The following CHRM3 variants were observed in gnomAD, a reference collection of about 807,000 sequenced individuals.
The protein encoded by CHRM3 is cholinergic receptor muscarinic 3.
Under a neutral mutation model 41.8 loss-of-function variants are expected in CHRM3, and 11 were observed. The ratio of observed to expected loss-of-function variants is 0.26; its 90% CI spans 0.17 to 0.44. The LOEUF is 0.44. Among genes scored for constraint, CHRM3 ranks in the 20% least tolerant of loss-of-function variants. The probability of loss-of-function intolerance (pLI) is 1.00; values close to 1 mark genes in which losing one functional copy is unlikely to be tolerated. For missense variants in CHRM3, 571 were observed against 745.4 expected (o/e 0.77, Z 2.72); for synonymous variants, 297 against 301.4 (o/e 0.99, Z 0.15).
At chr1:239,449,027 A>G (rs568294997) in intron 1 of CHRM3, among the ~76,000 whole-genome samples, 1 of 152,300 alleles carries the variant, frequency 6.6e-6, no homozygotes, top group East Asian at 1.9e-4. Context: ...TTTGATTTTA[A>G]CACAACGTCT....
rs1171105562 is a variant in CHRM3 at position 239,841,714 on chromosome 1, T to C, written c.-20+14336T>C. Among the ~76,000 whole-genome samples the C allele has an allele frequency of 3.3e-5, 5 of 152,222 alleles. No homozygotes were observed. In the East Asian group the frequency reaches 9.6e-4, roughly 29 times the overall value. ...TGGGGTCAGGAGTAATATGTGACTC[T>C]TGAAGAGCAGCTTTCAAGGCATTAG... On this transcript the variant is annotated intron_variant, in intron 6 of 6. Coordinates refer to ENST00000676153, the MANE Select transcript of CHRM3 (RefSeq NM_001375978.1).
At chr1:239,517,009 C>A (rs1669317396) in intron 2 of CHRM3, among the ~76,000 whole-genome samples, 1 of 152,104 alleles carries the variant, frequency 6.6e-6, no homozygotes, top group Non-Finnish European at 1.5e-5. Context: ...CCCACTGATT[C>A]TACACCATGA....
intron 6 of CHRM3, among the ~76,000 whole-genome samples, chr1:239,899,496 G>GTA (rs772242915): frequency 7.0e-5 from 4 of 57,474 alleles, no homozygotes; most frequent in Non-Finnish European, 1.4e-4. Context: ...TCACACACAT[G>GTA]TATATATACA....
At chr1:239,694,518 A>G (rs150825772) in intron 5 of CHRM3, among the ~76,000 whole-genome samples, 85 of 152,350 alleles carry the variant, frequency 5.6e-4, no homozygotes, top group African/African-American at 1.9e-3. Flanking sequence ...TGCTTATGAA[A>G]TGTGAATTCA....
chr1:239,617,493 G>T (rs982252327), intron 3 of CHRM3, among the ~76,000 whole-genome samples: 7 of 152,178 alleles, frequency 4.6e-5, no homozygotes, highest in African/African-American at 1.7e-4. Flanking sequence ...GAGAGGCAGA[G>T]GGAGGAGAAT....
At chr1:239,782,985 G>GC (rs1668615892) in intron 5 of CHRM3, among the ~76,000 whole-genome samples, 1 of 151,668 alleles carries the variant, frequency 6.6e-6, no homozygotes, top group African/African-American at 2.4e-5. Flanking sequence ...TTGATTTCTA[G>GC]TTTTTTTAAT....
intron 2 of CHRM3, among the ~76,000 whole-genome samples, chr1:239,540,553 A>G (rs911507418): frequency 1.3e-5 from 2 of 152,238 alleles, no homozygotes; most frequent in Admixed American, 6.5e-5. Flanking sequence ...TTTAGAAATT[A>G]CACATTATGT....
intron 1 of CHRM3, among the ~76,000 whole-genome samples, chr1:239,441,292 C>T (rs773919944): frequency 9.2e-5 from 14 of 152,204 alleles, no homozygotes; most frequent in Non-Finnish European, 1.9e-4. Context: ...ATAACACAGT[C>T]ATTACCTAAA....
At chr1:239,400,123 G>T (rs919911663) in intron 1 of CHRM3, among the ~76,000 whole-genome samples, 1 of 152,102 alleles carries the variant, frequency 6.6e-6, no homozygotes, top group Non-Finnish European at 1.5e-5. Context: ...TGGCCAGGCT[G>T]GTCTCAAACT....
chr1:239,561,075 C>A (rs1162466634), intron 3 of CHRM3, among the ~76,000 whole-genome samples: 1 of 152,190 alleles, frequency 6.6e-6, no homozygotes, highest in Non-Finnish European at 1.5e-5. Flanking sequence ...TCTGCAGGCA[C>A]CATCTGGTTC....
rs1435847331 is a variant in CHRM3, at chr1:239,910,590, A to AT, written c.*1366_*1367insT. ...TGATTTCCTTACCTTTTGGGAAAAAAAAAAAATTGTTTTTTTGCATTCTCC... is the reference window on the plus strand; with the variant it reads ...TGATTTCCTTACCTTTTGGGAAAAAATAAAAAATTGTTTTTTTGCATTCTCC... On this transcript the variant is annotated 3_prime_UTR_variant, in exon 7 of 7. Coordinates refer to ENST00000676153, the MANE Select transcript of CHRM3 (RefSeq NM_001375978.1). 3.0e-5 allele frequency: 5 copies of AT among 166,650 alleles called. No homozygotes were observed. The highest frequency in any genetic ancestry group is 7.3e-5 in the Non-Finnish European group (5 of 68,036). 10.3% of individuals were successfully genotyped at this position (166,650 alleles called of 1,614,324 possible). A position where few individuals can be genotyped will look rare whatever the true frequency, so the allele number is the denominator to read the frequency against.
intron 5 of CHRM3, among the ~76,000 whole-genome samples, chr1:239,685,329 A>C (rs550571660): frequency 6.6e-6 from 1 of 152,318 alleles, no homozygotes; most frequent in East Asian, 1.9e-4. Flanking sequence ...AGTATCCACC[A>C]CAAAGCAAGT....
At chr1:239,455,670 T>C (rs78466498) in intron 1 of CHRM3, among the ~76,000 whole-genome samples, 1 of 152,230 alleles carries the variant, frequency 6.6e-6, no homozygotes, top group Non-Finnish European at 1.5e-5. Flanking sequence ...TGTGCAGTTG[T>C]ATCATGTGTT....
intron 6 of CHRM3, among the ~76,000 whole-genome samples, chr1:239,903,085 A>T (rs1679705056): frequency 1.3e-5 from 2 of 152,136 alleles, no homozygotes; most frequent in Non-Finnish European, 2.9e-5. Context: ...AGAGAGCTAA[A>T]CTCACCTATA....
intron 5 of CHRM3, among the ~76,000 whole-genome samples, chr1:239,750,794 C>T (rs1337483388): frequency 1.3e-5 from 2 of 152,214 alleles, no homozygotes; most frequent in African/African-American, 4.8e-5. Context: ...ATCATAGTCT[C>T]TATGTTTTCT....
intron 3 of CHRM3, among the ~76,000 whole-genome samples, chr1:239,589,205 A>G (rs1663789787): frequency 6.6e-6 from 1 of 152,118 alleles, no homozygotes; most frequent in Non-Finnish European, 1.5e-5. Context: ...AATTGCTGGG[A>G]TTACAGGCGT....
chr1:239,811,824 C>T (rs920003897), intron 5 of CHRM3, among the ~76,000 whole-genome samples: 5 of 151,898 alleles, frequency 3.3e-5, no homozygotes, highest in Non-Finnish European at 7.4e-5. Context: ...CTTTAAGCAG[C>T]ACAGTTTGAG....
At chr1:239,884,959 G>A (rs1393963570) in intron 6 of CHRM3, among the ~76,000 whole-genome samples, 1 of 152,146 alleles carries the variant, frequency 6.6e-6, no homozygotes, top group African/African-American at 2.4e-5. Flanking sequence ...GAGTCATGCC[G>A]CTGGCCTTGA....
intron 4 of CHRM3, among the ~76,000 whole-genome samples, chr1:239,670,773 C>CCG (rs200155847): frequency 0.013 from 1,959 of 151,532 alleles, 55 homozygotes; most frequent in African/African-American, 0.046. Context: ...GGTGATCTAC[C>CCG]CCCCCCACCT....
Sources: gnomAD v4.1 joint callset for allele counts (sites outside exome capture counted in the v4.1 genomes callset) on GRCh38, gnomAD v4.1.1 for gene constraint, MANE v1.5 for transcripts, NCBI Gene and HGNC (gene_info 2026-07-23, HGNC 2026-07-21) for gene names.